The following LDLRAD3 variants were observed in gnomAD, a reference collection of about 807,000 sequenced individuals.
LDLRAD3 encodes the protein low-density lipoprotein receptor class A domain-containing protein 3.
Under a neutral mutation model 29.4 loss-of-function variants are expected in LDLRAD3, and 20 were observed. That is an observed-to-expected ratio of 0.68 (90% CI 0.48 to 0.99). LDLRAD3 has a LOEUF of 0.99. Among genes scored for constraint, LDLRAD3 ranks in the 50% least tolerant of loss-of-function variants. The probability of loss-of-function intolerance (pLI) is 0.00; values close to 1 mark genes in which losing one functional copy is unlikely to be tolerated. For synonymous variants in LDLRAD3, 157 were observed against 192.7 expected (o/e 0.81, Z 1.53); for missense variants, 420 against 454.3 (o/e 0.92, Z 0.69).
intron 1 of LDLRAD3, among the ~76,000 whole-genome samples, chr11:36,012,680 G>A (rs1590205380): frequency 6.6e-6 from 1 of 152,172 alleles, no homozygotes; most frequent in Admixed American, 6.5e-5. Context: ...AGGACGACAC[G>A]AGATTTCATC....
intron 4 of LDLRAD3, among the ~76,000 whole-genome samples, chr11:36,172,369 T>A (rs1854609944): frequency 6.6e-6 from 1 of 151,958 alleles, no homozygotes; most frequent in Admixed American, 6.6e-5. Flanking sequence ...AGAACTATGT[T>A]GAATAGAAGT....
intron 2 of LDLRAD3, among the ~76,000 whole-genome samples, chr11:36,080,037 A>T (rs775773876): frequency 6.6e-6 from 1 of 152,244 alleles, no homozygotes; most frequent in African/African-American, 2.4e-5. Flanking sequence ...AACCTGGAAC[A>T]TTTCAGGCCT....
At chr11:36,130,069 A>G (rs901242661) in intron 4 of LDLRAD3, among the ~76,000 whole-genome samples, 8 of 152,236 alleles carry the variant, frequency 5.3e-5, no homozygotes, top group Non-Finnish European at 8.8e-5. Flanking sequence ...GGATAGTAAT[A>G]GTAATGGCTA....
At chr11:36,226,271 A>G (rs922492722) in intron 4 of LDLRAD3, among the ~76,000 whole-genome samples, 1 of 152,126 alleles carries the variant, frequency 6.6e-6, no homozygotes, top group Non-Finnish European at 1.5e-5. Flanking sequence ...AAGGGCACAC[A>G]GCAAGCAAGT....
chr11:36,073,421 T>C (rs1178395325), intron 2 of LDLRAD3, among the ~76,000 whole-genome samples: 3 of 152,228 alleles, frequency 2.0e-5, no homozygotes, highest in Non-Finnish European at 2.9e-5. Context: ...GGGTCAGTCT[T>C]TCACCTTCTG....
At chr11:36,098,498 C>G (rs560929485) in intron 4 of LDLRAD3, 37 bp downstream of exon 4, 22 of 1,611,394 alleles carry the variant, frequency 1.4e-5, no homozygotes, top group Non-Finnish European at 1.7e-5. Context: ...ATAATTGCAA[C>G]ACAACACTGC....
intron 2 of LDLRAD3, among the ~76,000 whole-genome samples, chr11:36,041,812 A>G (rs1334083484): frequency 5.3e-5 from 8 of 152,040 alleles, no homozygotes. Flanking sequence ...GGAAAGTTAC[A>G]CTGATTGATG....
chr11:36,203,233 G>C (rs1189250792), intron 4 of LDLRAD3, among the ~76,000 whole-genome samples: 1 of 152,150 alleles, frequency 6.6e-6, no homozygotes, highest in Non-Finnish European at 1.5e-5. Context: ...CTCCAAAAGT[G>C]CTGAGATTAC....
intron 1 of LDLRAD3, among the ~76,000 whole-genome samples, chr11:35,983,069 G>C (rs1421707359): frequency 6.6e-6 from 1 of 152,028 alleles, no homozygotes; most frequent in East Asian, 1.9e-4. Flanking sequence ...GGCCAGGCTG[G>C]TCTTGAACTC....
At chr11:36,180,390 T>A (rs7481996) in intron 4 of LDLRAD3, among the ~76,000 whole-genome samples, 133,273 of 152,102 alleles carry the variant, frequency 0.88, 58,507 homozygotes, top group East Asian at 0.97. Flanking sequence ...TAGAGACTGG[T>A]TGTACAGCAG....
chr11:36,133,393 CTTTT>C (rs1853956731), intron 4 of LDLRAD3, among the ~76,000 whole-genome samples: 1 of 126,376 alleles, frequency 7.9e-6, no homozygotes, highest in Non-Finnish European at 1.6e-5. Flanking sequence ...CTTTTCTTTT[CTTTT>C]GGAAAAAACT....
intron 1 of LDLRAD3, among the ~76,000 whole-genome samples, chr11:35,954,177 G>T (rs1851172514): frequency 6.6e-6 from 1 of 152,120 alleles, no homozygotes; most frequent in South Asian, 2.1e-4. Context: ...AAGCTAACAG[G>T]TGTCAAAAAT....
intron 1 of LDLRAD3, among the ~76,000 whole-genome samples, chr11:35,990,752 G>T (rs1203846111): frequency 6.6e-6 from 1 of 152,116 alleles, no homozygotes; most frequent in Non-Finnish European, 1.5e-5. Context: ...TTCCCTGTCT[G>T]TGTCCAAATT....
chr11:35,954,087 G>C (rs1279548200), intron 1 of LDLRAD3, among the ~76,000 whole-genome samples: 1 of 152,180 alleles, frequency 6.6e-6, no homozygotes, highest in Non-Finnish European at 1.5e-5. Flanking sequence ...ATGAAGGGCA[G>C]TGGTGACATA....
chr11:36,123,576 T>C (rs1853791685), intron 4 of LDLRAD3, among the ~76,000 whole-genome samples: 1 of 152,242 alleles, frequency 6.6e-6, no homozygotes, highest in Non-Finnish European at 1.5e-5. Context: ...AAATATATTC[T>C]ATCTCCAGCC....
At chr11:36,082,235 G>T (rs897670686) in intron 3 of LDLRAD3, among the ~76,000 whole-genome samples, 2 of 152,174 alleles carry the variant, frequency 1.3e-5, no homozygotes, top group Non-Finnish European at 2.9e-5. Context: ...TTGGCCAGGT[G>T]TGGTGGCTTG....
intron 4 of LDLRAD3, among the ~76,000 whole-genome samples, chr11:36,142,084 C>T (rs142437016): frequency 4.1e-4 from 63 of 152,290 alleles, no homozygotes; most frequent in Non-Finnish European, 6.9e-4. Flanking sequence ...AGTCGCCTCC[C>T]CCTTCTTCAC....
intron 2 of LDLRAD3, among the ~76,000 whole-genome samples, chr11:36,063,498 T>A (rs928421357): frequency 6.6e-6 from 1 of 152,252 alleles, no homozygotes; most frequent in South Asian, 2.1e-4. Context: ...TATAATGGAA[T>A]CATACAGTAT....
At chr11:36,098,701 T>G (rs1426259379) in intron 4 of LDLRAD3, among the ~76,000 whole-genome samples, 1 of 152,254 alleles carries the variant, frequency 6.6e-6, no homozygotes, top group Non-Finnish European at 1.5e-5. Flanking sequence ...TATACATTTC[T>G]CTTCAAAACT....
Sources: allele counts gnomAD v4.1 joint callset (sites outside exome capture counted in the v4.1 genomes callset), GRCh38; gene constraint gnomAD v4.1.1; transcripts MANE v1.5; gene names NCBI Gene and HGNC (gene_info 2026-07-23, HGNC 2026-07-21).